Variants in THADA observed in about 807,000 individuals in gnomAD.
THADA encodes tRNA (32-2'-O)-methyltransferase regulator THADA.
THADA carries 213 observed loss-of-function variants against 219.8 expected under a neutral mutation model. The ratio of observed to expected loss-of-function variants is 0.97; its 90% CI spans 0.87 to 1.09. The LOEUF is 1.09. Among genes scored for constraint, THADA ranks in the 50% least tolerant of loss-of-function variants. THADA has a pLI of 0.00. For missense variants in THADA, 2,956 were observed against 2,311.3 expected, an observed-to-expected ratio of 1.28 and a Z score of -5.72; for synonymous variants, 1,018 against 828.9, an observed-to-expected ratio of 1.23 and a Z score of -3.92.
At chr2:43,279,624 G>T in intron 36 of THADA, 141 bp downstream of exon 36, 1 of 1,091,496 alleles carries the variant, frequency 9.2e-7, no homozygotes. Flanking sequence ...ACTGTTTGTG[G>T]CTTTCCCACT....
chr2:43,310,226 GCCC>G (rs71410163), intron 31 of THADA, among the ~76,000 whole-genome samples: 5 of 54,018 alleles, frequency 9.3e-5, no homozygotes, highest in Admixed American at 2.0e-4. Flanking sequence ...TCCCTTTCCC[GCCC>G]CCCCCCCAAA....
chr2:43,348,681 C>T (rs987289656), intron 29 of THADA, among the ~76,000 whole-genome samples: 15 of 152,098 alleles, frequency 9.9e-5, no homozygotes, highest in South Asian at 4.1e-4. Flanking sequence ...GGAGTTAAGG[C>T]GCAGGAAAGA....
At chr2:43,385,319 A>T (rs1306963705) in intron 29 of THADA, among the ~76,000 whole-genome samples, 6 of 151,880 alleles carry the variant, frequency 4.0e-5, no homozygotes, top group African/African-American at 1.5e-4. Flanking sequence ...CTAAGAAGAA[A>T]GGGCAAGCTG....
intron 21 of THADA, among the ~76,000 whole-genome samples, chr2:43,532,194 C>A (rs901849314): frequency 7.9e-5 from 12 of 151,732 alleles, no homozygotes; most frequent in African/African-American, 2.7e-4. Context: ...GGTGGATTGC[C>A]TGAGCTCAGG....
chr2:43,246,183 C>A (rs1170772722), intron 36 of THADA, among the ~76,000 whole-genome samples: 1 of 152,088 alleles, frequency 6.6e-6, no homozygotes, highest in Non-Finnish European at 1.5e-5. Context: ...TTACTAGGCA[C>A]CCGCCTCCCA....
At chr2:43,241,770 T>G (rs947994764) in intron 36 of THADA, among the ~76,000 whole-genome samples, 1 of 151,936 alleles carries the variant, frequency 6.6e-6, no homozygotes, top group Admixed American at 6.5e-5. Context: ...CCCTACTGCC[T>G]CCCATCGCGC....
intron 26 of THADA, among the ~76,000 whole-genome samples, chr2:43,469,836 G>A (rs2104957587): frequency 6.6e-6 from 1 of 152,314 alleles, no homozygotes; most frequent in South Asian, 2.1e-4. Context: ...CCAATTAGAT[G>A]GGTATGACTT....
chr2:43,574,487 CCAAGTCT>C lies in THADA; in HGVS notation c.1571_1577del (p.Glu524GlyfsTer20), dbSNP rs767646548. On this transcript the variant is annotated frameshift_variant, in exon 11 of 38. Transcript: ENST00000405975. LOFTEE classifies it high-confidence loss of function. The stretch of plus-strand genomic sequence containing the variant: ...ACAATATAAAAAGGAGAGGAGAAAC[CCAAGTCT>C]CATGCCACTGGTCAATCCAAGAACT... 5.0e-6 allele frequency: 8 copies of C among 1,613,764 alleles called. No homozygotes were observed. The East Asian group carries it at 1.6e-4, about 31-fold the overall frequency.
At chr2:43,586,525 T>A in intron 6 of THADA, 76 bp from the exon 7 acceptor site, 1 of 1,374,280 alleles carries the variant, frequency 7.3e-7, no homozygotes, top group Non-Finnish European at 9.9e-7. Flanking sequence ...ATATTTTATA[T>A]CACTGTTATC....
At chr2:43,394,742 T>C (rs1673818443) in intron 29 of THADA, among the ~76,000 whole-genome samples, 1 of 152,208 alleles carries the variant, frequency 6.6e-6, no homozygotes, top group South Asian at 2.1e-4. Flanking sequence ...CAAATGGACA[T>C]GCCAGAAAGA....
At chr2:43,289,546 G>C (rs1262484125) in intron 34 of THADA, among the ~76,000 whole-genome samples, 2 of 152,214 alleles carry the variant, frequency 1.3e-5, no homozygotes, top group African/African-American at 2.4e-5. Flanking sequence ...TATTCATGTA[G>C]TGGACATAAC....
chr2:43,460,238 T>TAAAAAAAAAAAA (rs10560565), intron 26 of THADA, among the ~76,000 whole-genome samples: 2 of 63,514 alleles, frequency 3.1e-5, no homozygotes, highest in African/African-American at 1.2e-4. Context: ...TTTCTCTTAA[T>TAAAAAAAAAAAA]AAAAAAAAAA....
intron 36 of THADA, among the ~76,000 whole-genome samples, chr2:43,244,139 CT>C (rs900885740): frequency 1.2e-4 from 18 of 152,096 alleles, no homozygotes; most frequent in African/African-American, 4.1e-4. Flanking sequence ...AATTTTTCCC[CT>C]GATTTTAAAA....
chr2:43,495,186 T>G (rs1688113572), intron 25 of THADA, among the ~76,000 whole-genome samples: 1 of 152,180 alleles, frequency 6.6e-6, no homozygotes, highest in Non-Finnish European at 1.5e-5. Context: ...ATCCATTAAA[T>G]AGGTTGACTC....
At chr2:43,535,035 C>T (rs961953700) in intron 21 of THADA, among the ~76,000 whole-genome samples, 2 of 152,056 alleles carry the variant, frequency 1.3e-5, no homozygotes, top group African/African-American at 4.8e-5. Context: ...TGGGAACAGC[C>T]ATCCTAACTG....
intron 26 of THADA, among the ~76,000 whole-genome samples, chr2:43,476,108 A>G (rs1219975774): frequency 6.6e-6 from 1 of 152,158 alleles, no homozygotes; most frequent in Non-Finnish European, 1.5e-5. Context: ...CTATTAGTCT[A>G]ATTATAGTGG....
At chr2:43,400,476 T>TATATATATATATATATATATATATAA (rs903186497) in intron 28 of THADA, among the ~76,000 whole-genome samples, 9 of 144,446 alleles carry the variant, frequency 6.2e-5, no homozygotes, top group Non-Finnish European at 1.2e-4. Context: ...TATATATATA[T>TATATATATATATATATATATATATAA]AAATATATAC....
At chr2:43,573,294 T>C (rs1050394507) in intron 11 of THADA, among the ~76,000 whole-genome samples, 2 of 152,094 alleles carry the variant, frequency 1.3e-5, no homozygotes, top group Non-Finnish European at 2.9e-5. Flanking sequence ...AGGCAGCAAA[T>C]CAGGAAATAA....
At chr2:43,552,963 G>C (rs539827937) in intron 17 of THADA, among the ~76,000 whole-genome samples, 1 of 152,260 alleles carries the variant, frequency 6.6e-6, no homozygotes, top group African/African-American at 2.4e-5. Flanking sequence ...TAGTTGCCTG[G>C]ACGTCTCATA....
Sources: gnomAD v4.1 joint callset for allele counts (sites outside exome capture counted in the v4.1 genomes callset) on GRCh38, gnomAD v4.1.1 for gene constraint, MANE v1.5 for transcripts, NCBI Gene and HGNC (gene_info 2026-07-23, HGNC 2026-07-21) for gene names.